BCL2: variants seen among roughly 807,000 people sequenced by gnomAD.
BCL2 encodes the protein apoptosis regulator Bcl-2.
A neutral mutation model predicts 14.2 loss-of-function variants in BCL2; 1 was observed. That is an observed-to-expected ratio of 0.07 (90% confidence interval 0.02 to 0.33). The LOEUF (loss-of-function observed/expected upper bound fraction) is 0.33, where lower values mean the gene tolerates loss of function less well. BCL2 is among the 10% of genes least tolerant of loss of function. BCL2 has a pLI of 0.99. For missense variants in BCL2, 247 were observed against 305.9 expected (o/e 0.81, Z 1.44); for synonymous variants, 151 against 137.2 (o/e 1.10, Z -0.70).
intron 2 of BCL2, among the ~76,000 whole-genome samples, chr18:63,299,808 T>C (rs1179202445): frequency 1.7e-5 from 2 of 120,362 alleles, no homozygotes; most frequent in South Asian, 5.2e-4. Flanking sequence ...TTTTTTTTTT[T>C]CTTTTTCTTT....
chr18:63,179,055 G>A (rs569393704), intron 2 of BCL2, among the ~76,000 whole-genome samples: 5 of 152,290 alleles, frequency 3.3e-5, no homozygotes, highest in South Asian at 4.2e-4. Flanking sequence ...TTTCTGGCTT[G>A]CTCTCTGCTT....
At chr18:63,150,910 A>G (rs1914636652) in intron 2 of BCL2, among the ~76,000 whole-genome samples, 1 of 152,084 alleles carries the variant, frequency 6.6e-6, no homozygotes, top group Non-Finnish European at 1.5e-5. Flanking sequence ...TATTTTTCCT[A>G]GCAAGACAGG....
intron 2 of BCL2, among the ~76,000 whole-genome samples, chr18:63,187,958 C>T (rs1325594841): frequency 1.3e-5 from 2 of 152,182 alleles, no homozygotes; most frequent in Admixed American, 1.3e-4. Flanking sequence ...ATGGCATGCT[C>T]CATTTGGCCC....
chr18:63,274,883 G>C (rs555879711), intron 2 of BCL2, among the ~76,000 whole-genome samples: 1 of 152,260 alleles, frequency 6.6e-6, no homozygotes, highest in African/African-American at 2.4e-5. Context: ...CAAAAATTCT[G>C]AATCCAGCTA....
intron 2 of BCL2, among the ~76,000 whole-genome samples, chr18:63,155,541 CGCG>C (rs1568217956): frequency 1.4e-5 from 2 of 146,468 alleles, no homozygotes; most frequent in African/African-American, 5.5e-5. Context: ...GCAGGGTGGG[CGCG>C]GTAAAGAGAC....
chr18:63,320,005 G>T (rs1026358367), upstream of BCL2: 1 of 150,768 alleles, frequency 6.6e-6, no homozygotes, highest in South Asian at 1.8e-4. Context: ...GCCGCCGGCA[G>T]GGAGGGCCCG....
intron 2 of BCL2, among the ~76,000 whole-genome samples, chr18:63,152,382 G>A (rs1319058187): frequency 6.6e-6 from 1 of 151,992 alleles, no homozygotes; most frequent in South Asian, 2.1e-4. Flanking sequence ...CCCAATTCTA[G>A]GTATTTGAAA....
At chr18:63,294,440 C>T (rs761682900) in intron 2 of BCL2, among the ~76,000 whole-genome samples, 2 of 151,604 alleles carry the variant, frequency 1.3e-5, no homozygotes, top group East Asian at 2.0e-4. Flanking sequence ...AGGCCGAGGC[C>T]GGTAGATCAT....
At chr18:63,170,675 C>T (rs536203834) in intron 2 of BCL2, among the ~76,000 whole-genome samples, 1 of 152,300 alleles carries the variant, frequency 6.6e-6, no homozygotes, top group East Asian at 1.9e-4. Flanking sequence ...TGTGTCTGCC[C>T]TTTATATGTG....
chr18:63,248,456 G>T (rs960913822), intron 2 of BCL2, among the ~76,000 whole-genome samples: 2 of 152,186 alleles, frequency 1.3e-5, no homozygotes, highest in African/African-American at 4.8e-5. Context: ...TGTAGAAATG[G>T]TGGTCAAATA....
chr18:63,239,597 G>A (rs532467332), intron 2 of BCL2, among the ~76,000 whole-genome samples: 4 of 152,198 alleles, frequency 2.6e-5, no homozygotes, highest in African/African-American at 7.2e-5. Flanking sequence ...AAAATTAGCC[G>A]GGCATGGCAA....
intron 2 of BCL2, among the ~76,000 whole-genome samples, chr18:63,232,018 A>C (rs1184466776): frequency 6.6e-6 from 1 of 152,060 alleles, no homozygotes; most frequent in African/African-American, 2.4e-5. Context: ...AGCCCCACAC[A>C]TGTGGGAATT....
chr18:63,205,413 A>G (rs1568233374), intron 2 of BCL2, among the ~76,000 whole-genome samples: 1 of 152,208 alleles, frequency 6.6e-6, no homozygotes, highest in East Asian at 1.9e-4. Context: ...TGTTGAGTCA[A>G]AAAAATAAAC....
At chr18:63,275,653 T>C (rs970860563) in intron 2 of BCL2, among the ~76,000 whole-genome samples, 4 of 152,240 alleles carry the variant, frequency 2.6e-5, no homozygotes, top group African/African-American at 9.6e-5. Context: ...TTATTGTTTG[T>C]AATTTCCAGT....
chr18:63,309,925 C>T (rs1160035325), intron 2 of BCL2, among the ~76,000 whole-genome samples: 1 of 151,956 alleles, frequency 6.6e-6, no homozygotes, highest in African/African-American at 2.4e-5. Context: ...TGCAGTGACA[C>T]GATCTCGGCT....
At chr18:63,197,554 C>G (rs997459376) in intron 2 of BCL2, among the ~76,000 whole-genome samples, 2 of 151,850 alleles carry the variant, frequency 1.3e-5, no homozygotes, top group Non-Finnish European at 2.9e-5. Context: ...GTCTGTGAGG[C>G]GCCAGTCACT....
intron 2 of BCL2, among the ~76,000 whole-genome samples, chr18:63,287,758 AT>A (rs1250443232): frequency 2.0e-5 from 3 of 152,260 alleles, no homozygotes; most frequent in African/African-American, 7.2e-5. Context: ...GGATAAAAAA[AT>A]AATAAAATAA....
rs75891659 is a variant in BCL2 at position 63,149,752 on chromosome 18, T to C, written c.586-20993A>G. On this transcript the variant is annotated intron_variant, in intron 2 of 2. Transcript: ENST00000333681. The surrounding 1 kb of genome is among the most constrained non-coding windows in gnomAD (Gnocchi z 4.2). ...AAGAGAGGAGATGTCACTAATAATA[T>C]TGATTTTTAACCCTTTCTCTAGTTT... Among the ~76,000 whole-genome samples, 3,181 of 152,298 alleles carry C rather than the reference T, an allele frequency of 0.021. 39 individuals carry two copies. Among genetic ancestry groups the C allele is most frequent in the Middle Eastern group, 0.034 (10 of 294 alleles).
At position 63,286,486 on chromosome 18, in the gene BCL2, G is replaced by C. The variant is rs1483720565; in HGVS notation, c.585+31596C>G. ...GGAGTTGAACGTAGCTGGGACGTAA[G>C]ATTAGGGCAGGAGTAGGGGCGAGGA... On this transcript the variant is annotated intron_variant, in intron 2 of 2. Coordinates refer to ENST00000333681, the MANE Select transcript of BCL2 (RefSeq NM_000633.3). Among the ~76,000 whole-genome samples, 4 of 152,132 alleles carry C rather than the reference G, an allele frequency of 2.6e-5. No homozygotes were observed. In the East Asian group the frequency reaches 7.7e-4, roughly 29 times the overall value.
Sources: gnomAD v4.1 joint callset for allele counts (sites outside exome capture counted in the v4.1 genomes callset) on GRCh38, gnomAD v4.1.1 for gene constraint, Gnocchi (gnomAD v3.1) non-coding constraint, MANE v1.5 for transcripts, NCBI Gene and HGNC (gene_info 2026-07-23, HGNC 2026-07-21) for gene names.